TRERF1: variants seen among roughly 807,000 people sequenced by gnomAD.
TRERF1 encodes transcriptional-regulating factor 1.
Under a neutral mutation model 122.9 loss-of-function variants are expected in TRERF1, and 27 were observed. The observed-to-expected ratio is 0.22, with a 90% CI of 0.16 to 0.30. The LOEUF (loss-of-function observed/expected upper bound fraction) is 0.30, where lower values mean the gene tolerates loss of function less well. Ranked by LOEUF, TRERF1 falls within the 10% of genes least tolerant of loss-of-function variation. The probability of loss-of-function intolerance (pLI) is 1.00; values close to 1 mark genes in which losing one functional copy is unlikely to be tolerated. For synonymous variants in TRERF1, 636 were observed against 641.7 expected (o/e 0.99, Z 0.13); for missense variants, 1,248 against 1,560.3 (o/e 0.80, Z 3.37).
At chr6:42,381,220 C>G (rs1260025664) in intron 2 of TRERF1, among the ~76,000 whole-genome samples, 2 of 151,982 alleles carry the variant, frequency 1.3e-5, no homozygotes, top group Admixed American at 6.6e-5. Flanking sequence ...TGTGCTGCCC[C>G]CATTGGACTA....
intron 2 of TRERF1, among the ~76,000 whole-genome samples, chr6:42,419,076 GA>G (rs1341878528): frequency 1.3e-5 from 2 of 152,204 alleles, no homozygotes; most frequent in Non-Finnish European, 2.9e-5. Context: ...TAACCAGTGA[GA>G]ATCCCATATC....
At chr6:42,277,847 GAAGAAGA>G (rs1224266912) in intron 4 of TRERF1, among the ~76,000 whole-genome samples, 4 of 133,094 alleles carry the variant, frequency 3.0e-5, no homozygotes, top group Admixed American at 7.4e-5. Flanking sequence ...AAATAAATAA[GAAGAAGA>G]AAGAAGGAAG....
intron 17 of TRERF1, among the ~76,000 whole-genome samples, chr6:42,230,552 A>C (rs551315256): frequency 6.6e-6 from 1 of 152,082 alleles, no homozygotes; most frequent in South Asian, 2.1e-4. Context: ...TGATGCTGCC[A>C]CTCCAGGACA....
intron 2 of TRERF1, among the ~76,000 whole-genome samples, chr6:42,376,765 T>C (rs1168845738): frequency 6.6e-6 from 1 of 150,690 alleles, no homozygotes; most frequent in Non-Finnish European, 1.5e-5. Context: ...ATGGTCTCAA[T>C]CTCTTGACCT....
intron 2 of TRERF1, among the ~76,000 whole-genome samples, chr6:42,416,886 T>C (rs1276706006): frequency 6.6e-6 from 1 of 152,334 alleles, no homozygotes; most frequent in East Asian, 1.9e-4. Flanking sequence ...TTCTAGTGTC[T>C]GGGTTTTTTG....
chr6:42,277,494 G>C (rs1482551067), intron 4 of TRERF1, among the ~76,000 whole-genome samples: 1 of 152,210 alleles, frequency 6.6e-6, no homozygotes, highest in Non-Finnish European at 1.5e-5. Context: ...TCCTGACATG[G>C]CTAGGATTGT....
At chr6:42,279,487 C>T (rs1244536824) in intron 4 of TRERF1, among the ~76,000 whole-genome samples, 1 of 152,162 alleles carries the variant, frequency 6.6e-6, no homozygotes, top group East Asian at 1.9e-4. Flanking sequence ...AGTGGGCTGG[C>T]AGGGAGATCT....
At chr6:42,439,812 CCAAA>C (rs1206638913) in intron 2 of TRERF1, among the ~76,000 whole-genome samples, 1 of 152,096 alleles carries the variant, frequency 6.6e-6, no homozygotes, top group Non-Finnish European at 1.5e-5. Flanking sequence ...TTATAGTAGC[CCAAA>C]CAAAGTCAGA....
intron 9 of TRERF1, among the ~76,000 whole-genome samples, chr6:42,258,982 G>A (rs1487802191): frequency 1.3e-5 from 2 of 152,078 alleles, no homozygotes; most frequent in African/African-American, 4.8e-5. Flanking sequence ...TGATCCACCC[G>A]CCTCGACCTC....
intron 2 of TRERF1, among the ~76,000 whole-genome samples, chr6:42,441,118 G>C (rs1786436245): frequency 6.6e-6 from 1 of 151,964 alleles, no homozygotes; most frequent in South Asian, 2.1e-4. Context: ...TGTTCCCTCT[G>C]CACCCTCCCC....
intron 3 of TRERF1, among the ~76,000 whole-genome samples, chr6:42,322,445 A>T (rs1427392093): frequency 1.3e-5 from 2 of 152,144 alleles, no homozygotes; most frequent in East Asian, 3.8e-4. Context: ...TTTATTATAA[A>T]TTCCTCCGAA....
Position 42,269,927 on chromosome 6 carries a change from G to C in TRERF1, c.-258-79C>G, listed in dbSNP as rs1054353511. On this transcript the variant is annotated intron_variant, in intron 4 of 17. Transcript: ENST00000372922. This position sits in a 1 kb window ranked among gnomAD's most constrained non-coding sequence, Gnocchi z 4.9. Reference sequence around the variant, plus strand: ...GAGCAATTGATATCCACCATGACCAGTGATAAAAATAAACATATAATCCCA... The same window carrying C: ...GAGCAATTGATATCCACCATGACCACTGATAAAAATAAACATATAATCCCA... 7.6e-6 allele frequency: 2 copies of C among 263,454 alleles called. No homozygotes were observed. Among genetic ancestry groups the C allele is most frequent in the African/African-American group, 2.2e-5 (1 of 45,030 alleles). The allele number at this position is 263,454 out of a possible 1,614,324, so 16.3% of individuals were successfully genotyped here. A position where few individuals can be genotyped will look rare whatever the true frequency, so the allele number is the denominator to read the frequency against.
Position 42,304,791 on chromosome 6 carries a change from T to C in TRERF1, c.-370-4042A>G, listed in dbSNP as rs2150291131. 2.0e-5 allele frequency among the ~76,000 whole-genome samples: 3 copies of C among 152,284 alleles called. No individual in the cohort carries two copies. In the Middle Eastern group the frequency reaches 0.01, roughly 518 times the overall value. On this transcript the variant is annotated intron_variant, in intron 3 of 17. Transcript: ENST00000372922. ...AATCACTCCCAGTTGAGAACTACCA[T>C]TCTACCGTGTACAGAAAGGCCTACC...
chr6:42,362,329 C>T (rs529857517), intron 3 of TRERF1, among the ~76,000 whole-genome samples: 5 of 152,314 alleles, frequency 3.3e-5, no homozygotes, highest in South Asian at 4.1e-4. Flanking sequence ...CCACACACAC[C>T]GAAATAATCA....
Position 42,275,296 on chromosome 6 carries a change from T to G in TRERF1, c.-258-5448A>C, listed in dbSNP as rs1780962930. Among the ~76,000 whole-genome samples, 1 of 152,254 alleles carries G rather than the reference T, an allele frequency of 6.6e-6. No homozygotes were observed. Among genetic ancestry groups the G allele is most frequent in the Non-Finnish European group, 1.5e-5 (1 of 68,046 alleles). ...CTGGGTAATTTGTACCAGGAGCTTT[T>G]TCATTCATGAACTAATTAACAGAAC... On this transcript the variant is annotated intron_variant, in intron 4 of 17. Transcript: ENST00000372922. The surrounding 1 kb of genome is among the most constrained non-coding windows in gnomAD (Gnocchi z 4.1).
intron 2 of TRERF1, among the ~76,000 whole-genome samples, chr6:42,397,177 G>A (rs1295430444): frequency 6.6e-6 from 1 of 152,136 alleles, no homozygotes; most frequent in Non-Finnish European, 1.5e-5. Context: ...AGAAAGGAGA[G>A]GAAGGAGACA....
chr6:42,263,410 G>C lies in TRERF1; in HGVS notation c.1794C>G (p.Ser598Arg), dbSNP rs1293326178. ...CGGTGCTGTTGGTGAACCCCTGAGA[G>C]CTGGGCTTGGGCGGGAGAAGCTTGA... The change falls in exon 8 of 18, where the codon AGC becomes AGG. Residue 598 changes from serine to arginine, a missense_variant. Ser to Arg is a moderately radical substitution (Grantham distance 110). Transcript: ENST00000372922. This position sits in a 1 kb window ranked among gnomAD's most constrained non-coding sequence, Gnocchi z 5.6. 6.2e-7 allele frequency: 1 copy of C among 1,612,462 alleles called. No individual in the cohort carries two copies.
chr6:42,451,609 C>A (rs1384093539), intron 1 of TRERF1, among the ~76,000 whole-genome samples, 65 bp downstream of exon 1: 34 of 151,304 alleles, frequency 2.2e-4, no homozygotes, highest in Non-Finnish European at 4.0e-4. Flanking sequence ...CCCCCTCCCC[C>A]CTTCTATATA....
intron 4 of TRERF1, among the ~76,000 whole-genome samples, chr6:42,278,380 A>C (rs1781683754): frequency 6.6e-6 from 1 of 152,232 alleles, no homozygotes; most frequent in Admixed American, 6.5e-5. Context: ...ACTAGAATGG[A>C]ACAAACTCCA....
Sources: gnomAD v4.1 joint callset for allele counts (sites outside exome capture counted in the v4.1 genomes callset) on GRCh38, gnomAD v4.1.1 for gene constraint, Gnocchi (gnomAD v3.1) non-coding constraint, MANE v1.5 for transcripts, NCBI Gene and HGNC (gene_info 2026-07-23, HGNC 2026-07-21) for gene names.